Variants in DMRT1 observed in about 807,000 individuals in gnomAD.
The protein encoded by DMRT1 is doublesex and mab-3 related transcription factor 1.
DMRT1 carries 7 observed loss-of-function variants against 32.3 expected under a neutral mutation model. The observed-to-expected ratio is 0.22, with a 90% CI of 0.12 to 0.41. The LOEUF is 0.41. DMRT1 is among the 10% of genes least tolerant of loss of function. The pLI, the probability that DMRT1 is intolerant of heterozygous loss-of-function variation, is 1.00. For synonymous variants in DMRT1, 278 were observed against 206.1 expected, an observed-to-expected ratio of 1.35 and a Z score of -2.99; for missense variants, 625 against 500.5, an observed-to-expected ratio of 1.25 and a Z score of -2.37.
intron 3 of DMRT1, among the ~76,000 whole-genome samples, chr9:910,347 G>C (rs1269812391): frequency 1.3e-5 from 2 of 150,662 alleles, no homozygotes; most frequent in African/African-American, 4.9e-5. Context: ...GTTCCCCTTT[G>C]TTACATCAAC....
chr9:856,796 G>A (rs1294771635), intron 2 of DMRT1, among the ~76,000 whole-genome samples: 9 of 152,096 alleles, frequency 5.9e-5, no homozygotes, highest in Admixed American at 5.2e-4. Context: ...TGTCCTTAAC[G>A]TTTTGAGGAA....
At chr9:954,386 G>T (rs1203403891) in intron 4 of DMRT1, among the ~76,000 whole-genome samples, 12 of 152,062 alleles carry the variant, frequency 7.9e-5, no homozygotes, top group Non-Finnish European at 1.6e-4. Flanking sequence ...TGAGGCTGTG[G>T]TAGGATAGGG....
intron 4 of DMRT1, among the ~76,000 whole-genome samples, chr9:956,488 C>T (rs1213921668): frequency 6.7e-6 from 1 of 149,986 alleles, no homozygotes; most frequent in East Asian, 2.0e-4. Flanking sequence ...CACCTGAGCC[C>T]AGAAGTTTGA....
At chr9:867,138 G>C (rs907271498) in intron 2 of DMRT1, among the ~76,000 whole-genome samples, 2 of 152,104 alleles carry the variant, frequency 1.3e-5, no homozygotes, top group African/African-American at 4.8e-5. Context: ...GTGGAGAGGA[G>C]TTTGACAGGG....
intron 2 of DMRT1, among the ~76,000 whole-genome samples, chr9:861,421 A>G (rs904968258): frequency 2.7e-5 from 4 of 150,568 alleles, no homozygotes; most frequent in African/African-American, 7.5e-5. Context: ...AGGCAGAAGA[A>G]TTTTTCCTAG....
intron 4 of DMRT1, among the ~76,000 whole-genome samples, chr9:945,598 T>C (rs1451512098): frequency 6.6e-6 from 1 of 152,208 alleles, no homozygotes; most frequent in Non-Finnish European, 1.5e-5. Flanking sequence ...CAGTCAGAAA[T>C]AACTGGAAAA....
intron 1 of DMRT1, among the ~76,000 whole-genome samples, chr9:844,947 C>G (rs4740932): frequency 0.25 from 38,434 of 151,930 alleles, 4,896 homozygotes; most frequent in Middle Eastern, 0.3. Flanking sequence ...GTCTCAAACT[C>G]CTGACCTCAG....
intron 2 of DMRT1, among the ~76,000 whole-genome samples, chr9:881,082 G>A (rs558694446): frequency 7.4e-4 from 112 of 152,122 alleles, no homozygotes; most frequent in Non-Finnish European, 1.3e-3. Flanking sequence ...GGTCTGGGGT[G>A]TGGCCTGATC....
chr9:958,558 G>C (rs1402838371), intron 4 of DMRT1, among the ~76,000 whole-genome samples: 2 of 152,002 alleles, frequency 1.3e-5, no homozygotes, highest in South Asian at 4.2e-4. Flanking sequence ...GTAGAGACAG[G>C]GTTTCACCAT....
intron 2 of DMRT1, among the ~76,000 whole-genome samples, chr9:851,938 T>G: frequency 1.1e-5 from 1 of 87,622 alleles, no homozygotes; most frequent in South Asian, 3.7e-4. Flanking sequence ...GCAGGTACAC[T>G]TTTTTTTTGT....
At position 868,150 on chromosome 9, in the gene DMRT1, G is replaced by C. The variant is rs895560686; in HGVS notation, c.538+21007G>C. 3.9e-5 allele frequency among the ~76,000 whole-genome samples: 6 copies of C among 152,196 alleles called. No individual in the cohort carries two copies. In the East Asian group the frequency reaches 1.2e-3, roughly 29 times the overall value. On this transcript the variant is annotated intron_variant, in intron 2 of 4. Transcript: ENST00000382276. ...AAGCCACCATGCCCGGCTAAGTTTT[G>C]TATTTTTTTGTAGAGATGGGGTTTT...
At chr9:947,341 T>C (rs1434453345) in intron 4 of DMRT1, among the ~76,000 whole-genome samples, 1 of 152,200 alleles carries the variant, frequency 6.6e-6, no homozygotes. Flanking sequence ...ATTCTTCCAA[T>C]GTGGCCCAGG....
chr9:954,940 G>A (rs1474942930), intron 4 of DMRT1, among the ~76,000 whole-genome samples: 1 of 152,100 alleles, frequency 6.6e-6, no homozygotes, highest in South Asian at 2.1e-4. Flanking sequence ...CCGCCTGGCC[G>A]TTCGTTAGCT....
intron 3 of DMRT1, among the ~76,000 whole-genome samples, chr9:915,636 A>G (rs558343766): frequency 6.6e-6 from 1 of 152,252 alleles, no homozygotes; most frequent in South Asian, 2.1e-4. Context: ...ACAGACACCG[A>G]CTAACAGGAT....
intron 2 of DMRT1, among the ~76,000 whole-genome samples, chr9:892,958 C>CT (rs1224762648): frequency 1.3e-5 from 2 of 152,132 alleles, no homozygotes; most frequent in East Asian, 1.9e-4. Context: ...TGTCCTGCAT[C>CT]TTTTTTTAAG....
intron 2 of DMRT1, among the ~76,000 whole-genome samples, chr9:861,928 A>C (rs12156649): frequency 0.57 from 79,425 of 138,376 alleles, 23,389 homozygotes; most frequent in East Asian, 0.64. Flanking sequence ...AGGCGCTCCC[A>C]ACATCCCAGA....
At chr9:856,118 T>C (rs1815389090) in intron 2 of DMRT1, among the ~76,000 whole-genome samples, 1 of 152,078 alleles carries the variant, frequency 6.6e-6, no homozygotes, top group South Asian at 2.1e-4. Context: ...GGTTTCACCA[T>C]GTTGGCCAGG....
intron 3 of DMRT1, among the ~76,000 whole-genome samples, chr9:896,544 G>A (rs1380481290): frequency 3.3e-5 from 5 of 152,078 alleles, no homozygotes; most frequent in African/African-American, 4.8e-5. Flanking sequence ...GCCAGGTGCG[G>A]TGGCTCATGC....
intron 4 of DMRT1, among the ~76,000 whole-genome samples, chr9:928,846 T>TTTTATTTATTTA (rs573508979): frequency 9.3e-5 from 14 of 150,984 alleles, no homozygotes; most frequent in African/African-American, 3.4e-4. Flanking sequence ...ATTTATTTAT[T>TTTTATTTATTTA]TTTATTTATT....
Sources: gnomAD v4.1 joint callset for allele counts (sites outside exome capture counted in the v4.1 genomes callset) on GRCh38, gnomAD v4.1.1 for gene constraint, MANE v1.5 for transcripts, NCBI Gene and HGNC (gene_info 2026-07-23, HGNC 2026-07-21) for gene names.